XKRX: variants seen among roughly 807,000 people sequenced by gnomAD.
The protein encoded by XKRX is XK-related protein 2.
A neutral mutation model predicts 22.4 loss-of-function variants in XKRX; 11 were observed. That is an observed-to-expected ratio of 0.49 (90% CI 0.31 to 0.81). The LOEUF (loss-of-function observed/expected upper bound fraction) is 0.81, where lower values mean the gene tolerates loss of function less well. XKRX is among the 40% of genes least tolerant of loss of function. The pLI, the probability that XKRX is intolerant of heterozygous loss-of-function variation, is 0.05. For synonymous variants in XKRX, 114 were observed against 132.2 expected, an observed-to-expected ratio of 0.86 and a Z score of 0.94; for missense variants, 320 against 336.5, an observed-to-expected ratio of 0.95 and a Z score of 0.38.
In XKRX at chrX:100,928,474, A is replaced by C; in HGVS notation, c.-170T>G. Reference sequence around the variant, plus strand: ...AGAGCAAGAAACCGCTCTCTTCTAGACTCAGATTCGACTTGGAGTCTGGGA... The same window carrying C: ...AGAGCAAGAAACCGCTCTCTTCTAGCCTCAGATTCGACTTGGAGTCTGGGA... On this transcript the variant is annotated 5_prime_UTR_variant, in exon 1 of 3. Coordinates refer to ENST00000372956, the MANE Select transcript of XKRX (RefSeq NM_212559.3). The C allele has an allele frequency of 9.1e-7, 1 of 1,102,392 alleles. No homozygotes were observed. Among genetic ancestry groups the C allele is most frequent in the Non-Finnish European group, 1.2e-6 (1 of 846,555 alleles). 90.8% of individuals were successfully genotyped at this position (1,102,392 alleles called of 1,213,427 possible).
chrX:100,933,907 C>A (rs2085528375), upstream of XKRX, among the ~76,000 whole-genome samples: 1 of 111,310 alleles, frequency 9.0e-6, no homozygotes, highest in Non-Finnish European at 1.9e-5. Context: ...ATATGCCATA[C>A]AATTCACCCA....
intron 2 of XKRX, among the ~76,000 whole-genome samples, chrX:100,917,682 G>GAAAGAAAGAAAGAAAGA (rs1569454758): frequency 5.8e-5 from 5 of 85,680 alleles, no homozygotes; most frequent in African/African-American, 2.5e-4. Flanking sequence ...AGAAAAGAAA[G>GAAAGAAAGAAAGAAAGA]AAAGAAAGAA....
At chrX:100,911,009 G>A (rs886219879), downstream of XKRX, 8 of 560,194 alleles carry the variant, frequency 1.4e-5, no homozygotes, top group Non-Finnish European at 2.6e-5. Context: ...TCGAGCTACA[G>A]TACTTTCCAA....
chrX:100,935,678 T>A, the XKRX span, among the ~76,000 whole-genome samples: 1 of 112,242 alleles, frequency 8.9e-6, no homozygotes, highest in African/African-American at 3.2e-5. Flanking sequence ...TTCCGAAACT[T>A]CTTCTTGCCT....
At chrX:100,929,726 T>C (rs1359522516), upstream of XKRX, among the ~76,000 whole-genome samples, 1 of 111,480 alleles carries the variant, frequency 9.0e-6, no homozygotes, top group Non-Finnish European at 1.9e-5. Context: ...TTTCTCCACT[T>C]GCAAAATGAG....
the XKRX span, among the ~76,000 whole-genome samples, chrX:100,892,515 G>T: frequency 7.2e-5 from 8 of 111,745 alleles, no homozygotes; most frequent in South Asian, 3.0e-3. Flanking sequence ...ATGAGCAAAG[G>T]ATCTGAATAA....
At chrX:100,889,239 CAAAA>C in the XKRX span, among the ~76,000 whole-genome samples, 1 of 53,266 alleles carries the variant, frequency 1.9e-5, no homozygotes. Flanking sequence ...GACTCTATCT[CAAAA>C]AAAAAAAAAA....
chrX:100,921,541 G>C (rs1444291160), intron 2 of XKRX, among the ~76,000 whole-genome samples: 1 of 111,460 alleles, frequency 9.0e-6, no homozygotes, highest in Non-Finnish European at 1.9e-5. Flanking sequence ...AACAGGGTTA[G>C]AATCTAATAG....
chrX:100,920,176 T>TC (rs993767524), intron 2 of XKRX, among the ~76,000 whole-genome samples: 5 of 109,366 alleles, frequency 4.6e-5, no homozygotes, highest in Non-Finnish European at 9.5e-5. Flanking sequence ...GCTACCTTTT[T>TC]TTTTCCTTTT....
chrX:100,940,128 A>C, the XKRX span, among the ~76,000 whole-genome samples: 2 of 112,093 alleles, frequency 1.8e-5, no homozygotes, highest in Non-Finnish European at 3.8e-5. Context: ...TATTAATACC[A>C]ACATTTATTG....
At chrX:100,918,175 T>A (rs770073105) in intron 2 of XKRX, among the ~76,000 whole-genome samples, 36 of 112,364 alleles carry the variant, frequency 3.2e-4, no homozygotes, top group Non-Finnish European at 6.4e-4. Flanking sequence ...GCCATAGAGA[T>A]GTCAACTTAA....
chrX:100,918,763 G>C (rs2085457485), intron 2 of XKRX, among the ~76,000 whole-genome samples: 1 of 111,460 alleles, frequency 9.0e-6, no homozygotes, highest in Middle Eastern at 4.6e-3. Flanking sequence ...TCTTTTAGCT[G>C]TGTTCTTCTT....
At chrX:100,957,143 A>G in the XKRX span, 3 of 1,133,957 alleles carry the variant, frequency 2.6e-6, no homozygotes, top group African/African-American at 1.8e-5. Flanking sequence ...AGGAAGTGCC[A>G]TCACCTGTGG....
At chrX:100,956,990 G>A in the XKRX span, 1 of 1,077,431 alleles carries the variant, frequency 9.3e-7, no homozygotes, top group Non-Finnish European at 1.3e-6. Flanking sequence ...ACAAGGGAGA[G>A]GTCTTTATGT....
chrX:100,913,501 A>C lies in XKRX; in HGVS notation c.*837T>G, dbSNP rs1401661397. 1.2e-4 allele frequency: 13 copies of C among 111,926 alleles called. No individual in the cohort carries two copies. In the Admixed American group the frequency reaches 1.2e-3, roughly 11 times the overall value. 9.2% of individuals were successfully genotyped at this position (111,926 alleles called of 1,213,427 possible). On this transcript the variant is annotated 3_prime_UTR_variant, in exon 3 of 3. Transcript: ENST00000372956. ...TCGGAAACATTTTCAATTACAGTTC[A>C]GCTTCTCTGAGGTCCACATCAAGTA...
intron 1 of XKRX, among the ~76,000 whole-genome samples, chrX:100,925,978 C>T (rs2085496088): frequency 8.9e-6 from 1 of 111,995 alleles, no homozygotes; most frequent in South Asian, 3.7e-4. Context: ...AATACTGGGT[C>T]TGAATTCCAA....
the XKRX span, among the ~76,000 whole-genome samples, chrX:100,951,186 A>T: frequency 1.0e-5 from 1 of 95,766 alleles, no homozygotes; most frequent in Non-Finnish European, 2.0e-5. Flanking sequence ...GTGAGCCGAG[A>T]TCGCATCATT....
At chrX:100,922,078 C>T (rs778233981) in intron 2 of XKRX, among the ~76,000 whole-genome samples, 5 of 110,100 alleles carry the variant, frequency 4.5e-5, no homozygotes, top group Non-Finnish European at 9.5e-5. Flanking sequence ...TGTGATCCAC[C>T]CGCCTTGGCC....
chrX:100,938,134 A>G, the XKRX span, among the ~76,000 whole-genome samples: 2 of 112,280 alleles, frequency 1.8e-5, no homozygotes, highest in African/African-American at 6.5e-5. Context: ...TAGTGTCCAG[A>G]GCAGCAGAGA....
Sources: allele counts gnomAD v4.1 joint callset (sites outside exome capture counted in the v4.1 genomes callset), GRCh38; gene constraint gnomAD v4.1.1; transcripts MANE v1.5; gene names NCBI Gene and HGNC (gene_info 2026-07-23, HGNC 2026-07-21).